The following MAP2K1 variants were observed in gnomAD, a reference collection of about 807,000 sequenced individuals.
MAP2K1 encodes dual specificity mitogen-activated protein kinase kinase 1.
Under a neutral mutation model 46.3 loss-of-function variants are expected in MAP2K1, and 16 were observed. The observed-to-expected ratio is 0.35, with a 90% confidence interval of 0.23 to 0.52. The LOEUF is 0.52. Among genes scored for constraint, MAP2K1 ranks in the 20% least tolerant of loss-of-function variants. MAP2K1 has a pLI of 0.94. For synonymous variants in MAP2K1, 183 were observed against 185.6 expected, an observed-to-expected ratio of 0.99 and a Z score of 0.11; for missense variants, 263 against 497.1, an observed-to-expected ratio of 0.53 and a Z score of 4.48.
At chr15:66,418,458 A>G (rs1415020250) in intron 1 of MAP2K1, among the ~76,000 whole-genome samples, 9 of 152,110 alleles carry the variant, frequency 5.9e-5, no homozygotes, top group African/African-American at 2.2e-4. Context: ...CTTTTTTTAA[A>G]TTTATTTAAA....
chr15:66,402,486 CAT>C (rs1383373616), intron 1 of MAP2K1, among the ~76,000 whole-genome samples: 7 of 152,166 alleles, frequency 4.6e-5, no homozygotes, highest in African/African-American at 9.7e-5. Context: ...TTTTGAGAGT[CAT>C]ATATATTTTT....
rs1009616533 is a variant in MAP2K1 at position 66,491,086 on chromosome 15, T to A, written c.*471T>A. ...GCATGTGAAGCATGCTTTGCTGCTATGAAAATGAGCATCAGAGAGTGTACA... is the reference window on the plus strand; with the variant it reads ...GCATGTGAAGCATGCTTTGCTGCTAAGAAAATGAGCATCAGAGAGTGTACA... On this transcript the variant is annotated 3_prime_UTR_variant, in exon 11 of 11. Coordinates refer to ENST00000307102, the MANE Select transcript of MAP2K1 (RefSeq NM_002755.4). 1 of 354,390 alleles carries A rather than the reference T, an allele frequency of 2.8e-6. No individual in the cohort carries two copies. Among genetic ancestry groups the A allele is most frequent in the East Asian group, 4.7e-5 (1 of 21,372 alleles). The allele number at this position is 354,390 out of a possible 1,614,324, so 22.0% of individuals were successfully genotyped here. A position where few individuals can be genotyped will look rare whatever the true frequency, so the allele number is the denominator to read the frequency against.
intron 1 of MAP2K1, among the ~76,000 whole-genome samples, chr15:66,402,144 T>A (rs1201469184): frequency 6.6e-6 from 1 of 152,238 alleles, no homozygotes; most frequent in African/African-American, 2.4e-5. Context: ...CATTTTTAAA[T>A]ATTCAAAAGC....
At chr15:66,431,052 C>T (rs1401262087) in intron 1 of MAP2K1, among the ~76,000 whole-genome samples, 7 of 152,112 alleles carry the variant, frequency 4.6e-5, no homozygotes, top group Non-Finnish European at 7.3e-5. Flanking sequence ...AGGTTGGAGC[C>T]GATCACAGCT....
At chr15:66,489,795 C>T in intron 10 of MAP2K1, 32 bp downstream of exon 10, 1 of 1,563,700 alleles carries the variant, frequency 6.4e-7, no homozygotes, top group Non-Finnish European at 8.8e-7. Context: ...TCTTACAGTA[C>T]CTGTTTATTC....
In MAP2K1 at chr15:66,435,115, A is replaced by G. The variant is rs397516790; in HGVS notation, c.169A>G (p.Lys57Glu). Residue 57 changes from lysine (K) to glutamate (E), a missense_variant, in exon 2 of 11, where the codon AAG becomes GAG. Lys to Glu is a moderately conservative substitution (Grantham distance 56). Transcript: ENST00000307102. ...RKRLEAFLTQ[K>E]QKVGELKDDD... The stretch of plus-strand genomic sequence containing the variant: ...GCGCCTTGAGGCCTTTCTTACCCAG[A>G]AGCAGAAGGTGGGAGAACTGAAGGA... 1 of 1,614,130 alleles carries G rather than the reference A, an allele frequency of 6.2e-7. No individual in the cohort carries two copies. Among genetic ancestry groups the G allele is most frequent in the Non-Finnish European group, 8.5e-7 (1 of 1,179,998 alleles).
At chr15:66,486,094 T>G (rs1288711784) in intron 7 of MAP2K1, among the ~76,000 whole-genome samples, 1 of 151,938 alleles carries the variant, frequency 6.6e-6, no homozygotes, top group Non-Finnish European at 1.5e-5. Context: ...ATAGATGAGG[T>G]CTCACTATGT....
intron 1 of MAP2K1, among the ~76,000 whole-genome samples, chr15:66,409,537 G>A (rs1386021307): frequency 2.6e-5 from 4 of 152,162 alleles, no homozygotes; most frequent in Non-Finnish European, 5.9e-5. Context: ...CCTCCGCCAC[G>A]CCTCTGGGGA....
At chr15:66,432,033 T>C (rs1196599346) in intron 1 of MAP2K1, among the ~76,000 whole-genome samples, 3 of 152,160 alleles carry the variant, frequency 2.0e-5, no homozygotes, top group African/African-American at 7.2e-5. Flanking sequence ...TCTCGTTCCT[T>C]TTTATGTCTG....
rs377300924 is a variant in MAP2K1 at position 66,435,987 on chromosome 15, T to C, written c.291+750T>C. Among the ~76,000 whole-genome samples, 4 of 152,220 alleles carry C rather than the reference T, an allele frequency of 2.6e-5. No individual in the cohort carries two copies. The South Asian group carries it at 8.3e-4, about 31-fold the overall frequency. On this transcript the variant is annotated intron_variant, in intron 2 of 10. Transcript: ENST00000307102. ...TCCCTTTCCTATCTACCCTTGGTCC[T>C]CTTTTGGAATACAGCCCCTTGCTCC...
intron 5 of MAP2K1, among the ~76,000 whole-genome samples, chr15:66,446,299 C>T (rs1187228006): frequency 2.0e-5 from 3 of 151,754 alleles, no homozygotes; most frequent in African/African-American, 4.8e-5. Flanking sequence ...AATAGCTGGG[C>T]GTAGTGGTGA....
chr15:66,453,485 G>C (rs865804892), intron 5 of MAP2K1: 1 of 702,282 alleles, frequency 1.4e-6, no homozygotes, highest in Non-Finnish European at 2.6e-6. Flanking sequence ...AGAATGAACT[G>C]TAAGGCCTGG....
At chr15:66,458,972 G>A (rs1567017314) in intron 5 of MAP2K1, among the ~76,000 whole-genome samples, 1 of 152,104 alleles carries the variant, frequency 6.6e-6, no homozygotes, top group Non-Finnish European at 1.5e-5. Context: ...ATGTAAAAAC[G>A]GGGCTCTCAG....
chr15:66,437,146 G>GT (rs960497227), intron 3 of MAP2K1, among the ~76,000 whole-genome samples: 1 of 152,182 alleles, frequency 6.6e-6, no homozygotes, highest in Admixed American at 6.5e-5. Context: ...ACCTCTCATA[G>GT]TTTTTTTGAT....
chr15:66,471,218 A>T (rs1487090990), intron 5 of MAP2K1, among the ~76,000 whole-genome samples: 1 of 152,146 alleles, frequency 6.6e-6, no homozygotes, highest in Admixed American at 6.6e-5. Flanking sequence ...TGTTATGTAG[A>T]AGCCAGGCTG....
intron 2 of MAP2K1, among the ~76,000 whole-genome samples, chr15:66,435,947 T>C (rs1365560259): frequency 6.6e-6 from 1 of 152,208 alleles, no homozygotes; most frequent in African/African-American, 2.4e-5. Flanking sequence ...TAGCATGTAC[T>C]TGTAGAGCTG....
At chr15:66,435,499 TG>T (rs1779241979) in intron 2 of MAP2K1, among the ~76,000 whole-genome samples, 1 of 152,094 alleles carries the variant, frequency 6.6e-6, no homozygotes, top group Non-Finnish European at 1.5e-5. Context: ...CTAATTTTTT[TG>T]TATTTTTAGT....
At chr15:66,478,627 T>C (rs1892839046) in intron 5 of MAP2K1, among the ~76,000 whole-genome samples, 1 of 151,594 alleles carries the variant, frequency 6.6e-6, no homozygotes, top group Admixed American at 6.6e-5. Flanking sequence ...GCCTCCCTAG[T>C]AGCTGGGATT....
chr15:66,476,509 T>C (rs1892758207), intron 5 of MAP2K1, among the ~76,000 whole-genome samples: 1 of 152,146 alleles, frequency 6.6e-6, no homozygotes, highest in Admixed American at 6.5e-5. Context: ...GGAAGACTTT[T>C]TAGATGCAAG....
Sources: gnomAD v4.1 joint callset for allele counts (sites outside exome capture counted in the v4.1 genomes callset) on GRCh38, gnomAD v4.1.1 for gene constraint, MANE v1.5 for transcripts, NCBI Gene and HGNC (gene_info 2026-07-23, HGNC 2026-07-21) for gene names.